Variants in NKAIN2 observed in about 807,000 individuals in gnomAD.
NKAIN2 encodes sodium/potassium-transporting ATPase subunit beta-1-interacting protein 2.
A neutral mutation model predicts 32.6 loss-of-function variants in NKAIN2; 14 were observed. That is an observed-to-expected ratio of 0.43 (90% CI 0.28 to 0.67). The LOEUF is 0.67. NKAIN2 is among the 30% of genes least tolerant of loss of function. The pLI, the probability that NKAIN2 is intolerant of heterozygous loss-of-function variation, is 0.17. For missense variants in NKAIN2, 198 were observed against 258.3 expected (o/e 0.77, Z 1.60); for synonymous variants, 80 against 87.2 (o/e 0.92, Z 0.46).
rs1197146484 is a variant in NKAIN2 at position 123,956,881 on chromosome 6, CT to C, written c.54+152628del. Among the ~76,000 whole-genome samples, 10 of 152,330 alleles carry C rather than the reference CT, an allele frequency of 6.6e-5. No homozygotes were observed. The South Asian group carries it at 1.9e-3, about 28-fold the overall frequency. On this transcript the variant is annotated intron_variant, in intron 1 of 6. Transcript: ENST00000368417. ...TAAAAGTAAATTCAATTAAAGACTT[CT>C]GTGATCCTATTGCCAAGTTTCTGTA... is the stretch of plus-strand genomic sequence containing the variant.
chr6:124,648,091 A>G (rs959694558), intron 3 of NKAIN2, among the ~76,000 whole-genome samples: 6 of 152,212 alleles, frequency 3.9e-5, no homozygotes, highest in South Asian at 2.1e-4. Context: ...GACCATTGCA[A>G]TGGGAGAGAA....
At chr6:124,393,338 T>G (rs897495329) in intron 3 of NKAIN2, among the ~76,000 whole-genome samples, 1 of 133,944 alleles carries the variant, frequency 7.5e-6, no homozygotes, top group South Asian at 2.7e-4. Context: ...ATGTCACTTA[T>G]AGAATTTTTT....
chr6:124,716,642 T>C lies in NKAIN2; in HGVS notation c.474+58256T>C, dbSNP rs185182062. Among the ~76,000 whole-genome samples the C allele has an allele frequency of 4.5e-4, 69 of 152,288 alleles. 1 individual carries two copies. The highest frequency in any genetic ancestry group is 1.5e-3 in the African/African-American group (62 of 41,578). ...TTTTATCCCTCTAACCACTTTTTCT[T>C]GAACATGCCAAGAACACTCCAGTCT... On this transcript the variant is annotated intron_variant, in intron 4 of 6. Transcript: ENST00000368417.
intron 1 of NKAIN2, among the ~76,000 whole-genome samples, chr6:123,987,312 G>A (rs6569371): frequency 0.7 from 106,150 of 151,996 alleles, 37,529 homozygotes; most frequent in East Asian, 0.86. Flanking sequence ...GAAAAAGTAT[G>A]TATTGTCTTG....
chr6:124,005,903 C>G (rs117183990), intron 1 of NKAIN2, among the ~76,000 whole-genome samples: 2 of 152,234 alleles, frequency 1.3e-5, no homozygotes, highest in East Asian at 1.9e-4. Flanking sequence ...CTTCTCATTT[C>G]TACTGTCACT....
Position 124,638,343 on chromosome 6 carries a change from A to G in NKAIN2, c.274-19843A>G, listed in dbSNP as rs1290114720. On this transcript the variant is annotated intron_variant, in intron 3 of 6. Transcript: ENST00000368417. The stretch of plus-strand genomic sequence containing the variant: ...ACATAGGGAAAATGTTTCATGACAT[A>G]GGTCAAGGCAAATATTTTATGGGTA... Among the ~76,000 whole-genome samples the G allele has an allele frequency of 2.6e-5, 4 of 152,360 alleles. No homozygotes were observed. In the East Asian group the frequency reaches 7.7e-4, roughly 29 times the overall value.
intron 4 of NKAIN2, among the ~76,000 whole-genome samples, chr6:124,678,278 T>G (rs988431877): frequency 2.0e-5 from 3 of 152,184 alleles, no homozygotes; most frequent in Admixed American, 1.3e-4. Flanking sequence ...TTGGGGGCAC[T>G]ATTTTTTCAA....
chr6:124,298,173 T>G (rs537666067), intron 2 of NKAIN2, among the ~76,000 whole-genome samples: 2 of 152,168 alleles, frequency 1.3e-5, no homozygotes, highest in Admixed American at 1.3e-4. Context: ...AACTAAGAGA[T>G]AAAAAAAATT....
At chr6:124,252,227 T>C (rs921468144) in intron 1 of NKAIN2, among the ~76,000 whole-genome samples, 2 of 152,060 alleles carry the variant, frequency 1.3e-5, no homozygotes, top group East Asian at 1.9e-4. Flanking sequence ...ATATGCATCA[T>C]TGAAAATTGA....
intron 5 of NKAIN2, among the ~76,000 whole-genome samples, chr6:124,793,459 T>A (rs898939880): frequency 1.3e-5 from 2 of 152,124 alleles, no homozygotes; most frequent in Non-Finnish European, 2.9e-5. Context: ...GTGTGCCAAA[T>A]CCCTGATGAA....
chr6:124,782,243 T>G (rs1779303941), intron 4 of NKAIN2, among the ~76,000 whole-genome samples: 1 of 152,142 alleles, frequency 6.6e-6, no homozygotes, highest in African/African-American at 2.4e-5. Context: ...TCTTTTTTAG[T>G]GCAATGAGAG....
At chr6:124,752,782 T>G (rs1349570400) in intron 4 of NKAIN2, among the ~76,000 whole-genome samples, 5 of 152,084 alleles carry the variant, frequency 3.3e-5, no homozygotes, top group African/African-American at 1.2e-4. Flanking sequence ...TAGGAAGAAA[T>G]GAATTCTGCT....
chr6:124,109,701 C>G (rs1285281792), intron 1 of NKAIN2, among the ~76,000 whole-genome samples: 1 of 151,944 alleles, frequency 6.6e-6, no homozygotes, highest in Admixed American at 6.6e-5. Context: ...TAGAGACAAG[C>G]TTTCTGTTCT....
chr6:124,659,726 A>G (rs1164929460), intron 4 of NKAIN2, among the ~76,000 whole-genome samples: 4 of 152,032 alleles, frequency 2.6e-5, no homozygotes, highest in Non-Finnish European at 4.4e-5. Context: ...GAGGGTCTAC[A>G]TGGGCACACA....
At chr6:124,410,612 C>T (rs912681761) in intron 3 of NKAIN2, among the ~76,000 whole-genome samples, 3 of 152,178 alleles carry the variant, frequency 2.0e-5, no homozygotes, top group African/African-American at 7.2e-5. Flanking sequence ...AGCTTTACTT[C>T]CAACCATGTG....
chr6:124,716,879 G>A (rs575965777), intron 4 of NKAIN2, among the ~76,000 whole-genome samples: 28 of 151,870 alleles, frequency 1.8e-4, no homozygotes, highest in African/African-American at 6.0e-4. Flanking sequence ...CCCTGCTAGG[G>A]GATAAGCTCC....
At chr6:124,163,359 A>G (rs1178209048) in intron 1 of NKAIN2, among the ~76,000 whole-genome samples, 7 of 152,054 alleles carry the variant, frequency 4.6e-5, no homozygotes, top group African/African-American at 1.4e-4. Context: ...GAATGAAACC[A>G]TTAAGGCCAA....
chr6:124,022,044 C>G (rs1215532059), intron 1 of NKAIN2, among the ~76,000 whole-genome samples: 1 of 146,810 alleles, frequency 6.8e-6, no homozygotes, highest in East Asian at 2.1e-4. Flanking sequence ...TCCCTCCCCC[C>G]TCCCCCTACC....
At chr6:123,910,499 GTTTT>G (rs35165515) in intron 1 of NKAIN2, among the ~76,000 whole-genome samples, 1 of 81,314 alleles carries the variant, frequency 1.2e-5, no homozygotes, top group African/African-American at 5.0e-5. Context: ...TGCAATGCAT[GTTTT>G]TTTTTTTTTT....
Sources: allele counts gnomAD v4.1 joint callset (sites outside exome capture counted in the v4.1 genomes callset), GRCh38; gene constraint gnomAD v4.1.1; transcripts MANE v1.5; gene names NCBI Gene and HGNC (gene_info 2026-07-23, HGNC 2026-07-21).